The following SRGAP3 variants were observed in gnomAD, a reference collection of about 807,000 sequenced individuals.
SRGAP3 encodes the protein SLIT-ROBO Rho GTPase-activating protein 3.
In SRGAP3, 39 loss-of-function variants were observed where a neutral mutation model predicts 121.1. The observed-to-expected ratio is 0.32, with a 90% CI of 0.25 to 0.42. SRGAP3 has a LOEUF of 0.42. Ranked by LOEUF, SRGAP3 falls within the 10% of genes least tolerant of loss-of-function variation. SRGAP3 has a pLI of 1.00. For synonymous variants in SRGAP3, 601 were observed against 570.0 expected (o/e 1.05, Z -0.77); for missense variants, 1,213 against 1,470.6 (o/e 0.82, Z 2.86).
chr3:9,251,951 T>C (rs551408261), upstream of SRGAP3, among the ~76,000 whole-genome samples: 1 of 152,306 alleles, frequency 6.6e-6, no homozygotes, highest in Middle Eastern at 3.4e-3. Flanking sequence ...AACACGATCA[T>C]GGATTTAAAG....
intron 2 of SRGAP3, among the ~76,000 whole-genome samples, chr3:9,113,135 C>G (rs967118055): frequency 6.6e-6 from 1 of 152,200 alleles, no homozygotes; most frequent in Non-Finnish European, 1.5e-5. Flanking sequence ...AAGGACAAGA[C>G]GTGCATGGGG....
chr3:9,218,499 C>G lies in SRGAP3; in HGVS notation c.67+30386G>C, dbSNP rs1320686639. ...CTGACCCTGACACAGCCTCAGAATA[C>G]TTCTCAACACAGACCGCCAGCTGTC... On this transcript the variant is annotated intron_variant, in intron 1 of 21. Transcript: ENST00000383836. This position sits in a 1 kb window ranked among gnomAD's most constrained non-coding sequence, Gnocchi z 5.3. 1 of 152,250 alleles carries G rather than the reference C, an allele frequency of 6.6e-6. No individual in the cohort carries two copies. The highest frequency in any genetic ancestry group is 1.9e-4 in the East Asian group (1 of 5,204). 9.4% of individuals were successfully genotyped at this position (152,250 alleles called of 1,614,324 possible).
In SRGAP3 at chr3:9,032,697, C is replaced by T. The variant is rs376476983; in HGVS notation, c.1492G>A (p.Val498Met). 6 of 1,613,418 alleles carry T rather than the reference C, an allele frequency of 3.7e-6. No individual in the cohort carries two copies. Among genetic ancestry groups the T allele is most frequent in the Non-Finnish European group, 4.2e-6 (5 of 1,179,878 alleles). The change falls in exon 12 of 22, where the codon GTG becomes ATG. Residue 498 changes from valine (V) to methionine (M), a missense_variant. Val to Met is a conservative substitution (Grantham distance 21). Coordinates refer to ENST00000383836, the MANE Select transcript of SRGAP3 (RefSeq NM_014850.4). ...QKMRRPRPLS[V>M]YSHKLFNGSM... ...CCGTTAAAGAGTTTATGGCTATACA[C>T]TGAGAGAGGCCTAGGTCTCCTCATT... is the stretch of plus-strand genomic sequence containing the variant.
rs1288123405 is a variant in SRGAP3 at position 9,059,914 on chromosome 3, C to A, written c.801+317G>T. 5 of 397,720 alleles carry A rather than the reference C, an allele frequency of 1.3e-5. No homozygotes were observed. In the East Asian group the frequency reaches 2.9e-4, roughly 23 times the overall value. 24.6% of individuals were successfully genotyped at this position (397,720 alleles called of 1,614,324 possible). On this transcript the variant is annotated intron_variant, in intron 6 of 21. Transcript: ENST00000383836. Reference sequence around the variant, plus strand: ...GGCATGAACTGTGTATGGTTCCCCCCTGAACCCCTCAAACCCAGCAAAGGA... The same window carrying A: ...GGCATGAACTGTGTATGGTTCCCCCATGAACCCCTCAAACCCAGCAAAGGA...
intron 1 of SRGAP3, among the ~76,000 whole-genome samples, chr3:9,223,793 A>G (rs1560451393): frequency 6.6e-6 from 1 of 152,212 alleles, no homozygotes; most frequent in South Asian, 2.1e-4. Flanking sequence ...GAACCTGCTG[A>G]TTCTGAAGAA....
chr3:9,172,093 C>CTTTT (rs1553684903), intron 1 of SRGAP3, among the ~76,000 whole-genome samples: 1 of 90,184 alleles, frequency 1.1e-5, no homozygotes, highest in African/African-American at 3.2e-5. Context: ...TTTTTCTTTT[C>CTTTT]TTTTTTTTTT....
intron 4 of SRGAP3, among the ~76,000 whole-genome samples, chr3:9,074,343 C>A (rs1160299388): frequency 6.6e-6 from 1 of 152,200 alleles, no homozygotes; most frequent in Non-Finnish European, 1.5e-5. Flanking sequence ...CCAGAATAAT[C>A]CAGACAAATG....
chr3:9,148,302 G>A (rs1950093700), intron 1 of SRGAP3, among the ~76,000 whole-genome samples: 1 of 152,178 alleles, frequency 6.6e-6, no homozygotes, highest in Non-Finnish European at 1.5e-5. Flanking sequence ...TCTGTGCTAG[G>A]CAGAAAACAA....
intron 3 of SRGAP3, among the ~76,000 whole-genome samples, chr3:9,271,899 A>G (rs1954484638): frequency 6.6e-6 from 1 of 152,244 alleles, no homozygotes; most frequent in African/African-American, 2.4e-5. Flanking sequence ...ACAGAAGATA[A>G]TGTGCATGGA....
chr3:9,165,863 G>T (rs1394839405), intron 1 of SRGAP3, among the ~76,000 whole-genome samples: 1 of 152,144 alleles, frequency 6.6e-6, no homozygotes, highest in African/African-American at 2.4e-5. Flanking sequence ...CTTGTGAAAT[G>T]CTTTCACAGA....
chr3:9,230,609 G>T (rs1312589286), intron 1 of SRGAP3, among the ~76,000 whole-genome samples: 1 of 152,190 alleles, frequency 6.6e-6, no homozygotes, highest in Non-Finnish European at 1.5e-5. Flanking sequence ...AGTGGCTCAT[G>T]CCTGGAATCG....
At chr3:9,310,594 TG>T (rs1955224934) in intron 3 of SRGAP3, among the ~76,000 whole-genome samples, 1 of 152,076 alleles carries the variant, frequency 6.6e-6, no homozygotes, top group Admixed American at 6.5e-5. Flanking sequence ...CACTAAGGTG[TG>T]ATATAAGGTT....
chr3:9,228,933 G>A (rs1202975459), intron 1 of SRGAP3, among the ~76,000 whole-genome samples: 1 of 151,492 alleles, frequency 6.6e-6, no homozygotes, highest in African/African-American at 2.4e-5. Context: ...GCGGTGGCGG[G>A]CGCCTGTAGT....
chr3:9,162,083 A>G (rs1950616462), intron 1 of SRGAP3, among the ~76,000 whole-genome samples: 2 of 152,050 alleles, frequency 1.3e-5, no homozygotes, highest in South Asian at 4.1e-4. Flanking sequence ...ATACTGTATG[A>G]CTCTACTTAC....
chr3:9,076,671 C>T (rs1946988479), intron 4 of SRGAP3, among the ~76,000 whole-genome samples: 1 of 152,174 alleles, frequency 6.6e-6, no homozygotes, highest in Non-Finnish European at 1.5e-5. Flanking sequence ...CAGTAGCCCA[C>T]TTTTCTGAAT....
intron 1 of SRGAP3, among the ~76,000 whole-genome samples, chr3:9,333,669 CCTTT>C (rs1164080030): frequency 6.6e-6 from 1 of 152,110 alleles, no homozygotes; most frequent in African/African-American, 2.4e-5. Context: ...TCTCTCTTTC[CCTTT>C]CTTTCTTTCT....
intron 3 of SRGAP3, among the ~76,000 whole-genome samples, chr3:9,304,007 A>G (rs903775380): frequency 6.6e-6 from 1 of 152,100 alleles, no homozygotes; most frequent in Admixed American, 6.5e-5. Context: ...ACAAAATCAC[A>G]AGAGCTATAA....
intron 1 of SRGAP3, among the ~76,000 whole-genome samples, chr3:9,347,704 T>G (rs1162111331): frequency 6.6e-6 from 1 of 152,240 alleles, no homozygotes; most frequent in African/African-American, 2.4e-5. Context: ...GGTTCAAAGC[T>G]TCTTATTTTC....
At chr3:9,281,627 G>C (rs540970682) in intron 3 of SRGAP3, among the ~76,000 whole-genome samples, 5 of 152,242 alleles carry the variant, frequency 3.3e-5, no homozygotes, top group Non-Finnish European at 2.9e-5. Context: ...AATTTATGTA[G>C]TGTAATTAGC....
Sources: gnomAD v4.1 joint callset for allele counts (sites outside exome capture counted in the v4.1 genomes callset) on GRCh38, gnomAD v4.1.1 for gene constraint, Gnocchi (gnomAD v3.1) non-coding constraint, MANE v1.5 for transcripts, NCBI Gene and HGNC (gene_info 2026-07-23, HGNC 2026-07-21) for gene names.